The following DNAAF9 variants were observed in gnomAD, a reference collection of about 807,000 sequenced individuals.
DNAAF9 encodes dynein axonemal assembly factor 9, also known as shulin.
In DNAAF9, 90 loss-of-function variants were observed where a neutral mutation model predicts 167.0. The observed-to-expected ratio is 0.54, with a 90% CI of 0.45 to 0.64. The LOEUF is 0.64. Ranked by LOEUF, DNAAF9 falls within the 30% of genes least tolerant of loss-of-function variation. DNAAF9 has a pLI of 0.00. For synonymous variants in DNAAF9, 491 were observed against 508.8 expected (o/e 0.96, Z 0.47); for missense variants, 1,315 against 1,442.2 (o/e 0.91, Z 1.43).
At chr20:3,272,055 G>A (rs921001252) in intron 29 of DNAAF9, among the ~76,000 whole-genome samples, 4 of 151,866 alleles carry the variant, frequency 2.6e-5, no homozygotes, top group Non-Finnish European at 4.4e-5. Context: ...GCTCATCCCC[G>A]GCTCCCCTAC....
intron 33 of DNAAF9, among the ~76,000 whole-genome samples, chr20:3,256,816 G>T (rs570088770): frequency 3.9e-5 from 6 of 152,300 alleles, no homozygotes; most frequent in South Asian, 4.1e-4. Flanking sequence ...TGGTAGAAGT[G>T]GGGGGCTCTC....
At chr20:3,345,396 A>G (rs2070173422) in intron 8 of DNAAF9, among the ~76,000 whole-genome samples, 1 of 152,198 alleles carries the variant, frequency 6.6e-6, no homozygotes, top group Non-Finnish European at 1.5e-5. Context: ...AGCAATCCTA[A>G]TAACAACCTA....
intron 12 of DNAAF9, among the ~76,000 whole-genome samples, chr20:3,326,565 C>T (rs991982429): frequency 1.3e-5 from 2 of 151,540 alleles, no homozygotes; most frequent in African/African-American, 4.9e-5. Flanking sequence ...AACCCCATCT[C>T]GACAAAAAAT....
At chr20:3,344,407 A>G in intron 8 of DNAAF9, among the ~76,000 whole-genome samples, 2 of 152,304 alleles carry the variant, frequency 1.3e-5, no homozygotes, top group South Asian at 4.1e-4. Flanking sequence ...ATTGTAGAAG[A>G]CAATAAAAAC....
intron 8 of DNAAF9, among the ~76,000 whole-genome samples, chr20:3,344,699 T>A (rs1015319528): frequency 6.6e-6 from 1 of 151,986 alleles, no homozygotes; most frequent in Non-Finnish European, 1.5e-5. Flanking sequence ...TTAAGGCAGA[T>A]CTGGAAATGA....
In DNAAF9 at chr20:3,324,974, A is replaced by G; in HGVS notation, c.1189-6T>C. The stretch of plus-strand genomic sequence containing the variant: ...TGCTCTGCTACCTCCTTGGCCTGTA[A>G]AATAATAAGACAGCGACAATTAGCT... On this transcript the variant is annotated splice_region_variant and splice_polypyrimidine_tract_variant and intron_variant, in intron 13 of 36. Coordinates refer to ENST00000252032, the MANE Select transcript of DNAAF9 (RefSeq NM_001009984.3). 6.5e-7 allele frequency: 1 copy of G among 1,549,324 alleles called. No homozygotes were observed. The highest frequency in any genetic ancestry group is 8.9e-7 in the Non-Finnish European group (1 of 1,120,792).
At chr20:3,265,340 G>A (rs1326939065) in intron 30 of DNAAF9, among the ~76,000 whole-genome samples, 1 of 151,958 alleles carries the variant, frequency 6.6e-6, no homozygotes, top group Non-Finnish European at 1.5e-5. Context: ...CGAGGCAGGC[G>A]GATCACCTGG....
chr20:3,338,592 G>A (rs949041721), intron 10 of DNAAF9, among the ~76,000 whole-genome samples: 2 of 149,980 alleles, frequency 1.3e-5, no homozygotes, highest in African/African-American at 4.9e-5. Flanking sequence ...TCTTCTTCAG[G>A]TATTCCCAGT....
At chr20:3,324,053 AT>A (rs1241617180) in intron 14 of DNAAF9, among the ~76,000 whole-genome samples, 1 of 152,194 alleles carries the variant, frequency 6.6e-6, no homozygotes, top group Non-Finnish European at 1.5e-5. Context: ...GGGCAGCAAG[AT>A]CCAGAAGACC....
At chr20:3,362,165 C>T (rs1194571807) in intron 6 of DNAAF9, 2 of 1,423,370 alleles carry the variant, frequency 1.4e-6, no homozygotes, top group African/African-American at 2.8e-5. Flanking sequence ...CCTGGAGGCC[C>T]AATTATCATC....
intron 1 of DNAAF9, among the ~76,000 whole-genome samples, chr20:3,386,764 TAAAAAAA>T (rs61005893): frequency 1.4e-5 from 2 of 139,562 alleles, no homozygotes; most frequent in African/African-American, 5.2e-5. Flanking sequence ...AACTCAATGG[TAAAAAAA>T]AAAAAATCCA....
intron 31 of DNAAF9, among the ~76,000 whole-genome samples, chr20:3,264,120 G>A (rs2068442943): frequency 6.6e-6 from 1 of 152,236 alleles, no homozygotes; most frequent in Admixed American, 6.5e-5. Flanking sequence ...GAAAGTTATA[G>A]CTCCTTGGTT....
At chr20:3,265,629 C>CT (rs1471835852) in intron 30 of DNAAF9, among the ~76,000 whole-genome samples, 2 of 144,104 alleles carry the variant, frequency 1.4e-5, no homozygotes, top group East Asian at 2.1e-4. Context: ...GAATTAAATA[C>CT]TTTTTTTGGT....
At chr20:3,340,438 C>CT in intron 10 of DNAAF9, 66 bp downstream of exon 10, 3 of 190,890 alleles carry the variant, frequency 1.6e-5, no homozygotes, top group Non-Finnish European at 2.2e-5. Flanking sequence ...CTAGCTCCCC[C>CT]CACCCACCCC....
chr20:3,265,355 A>G (rs2068469803), intron 30 of DNAAF9, among the ~76,000 whole-genome samples: 1 of 152,030 alleles, frequency 6.6e-6, no homozygotes, highest in African/African-American at 2.4e-5. Flanking sequence ...ACCTGGGGTC[A>G]GGAGTTCAAG....
intron 1 of DNAAF9, among the ~76,000 whole-genome samples, chr20:3,404,652 T>C (rs888064896): frequency 6.6e-6 from 1 of 152,202 alleles, no homozygotes; most frequent in Non-Finnish European, 1.5e-5. Context: ...AAAAGAGTTA[T>C]TTGAGGGCAG....
At chr20:3,358,317 T>C (rs1456170210) in intron 7 of DNAAF9, among the ~76,000 whole-genome samples, 4 of 152,260 alleles carry the variant, frequency 2.6e-5, no homozygotes, top group African/African-American at 9.6e-5. Context: ...GGAGTCTTGC[T>C]CTGTCACCCA....
intron 11 of DNAAF9, among the ~76,000 whole-genome samples, chr20:3,331,716 C>T (rs1275080160): frequency 6.6e-6 from 1 of 152,184 alleles, no homozygotes; most frequent in African/African-American, 2.4e-5. Context: ...CTCTGTTGCC[C>T]AGGCTAGAGT....
At chr20:3,279,040 A>T in intron 28 of DNAAF9, 91 bp from the exon 29 acceptor site, 2 of 919,764 alleles carry the variant, frequency 2.2e-6, no homozygotes, top group Non-Finnish European at 3.5e-6. Context: ...ACCACTGACA[A>T]GCAAATTGAC....
Sources: allele counts gnomAD v4.1 joint callset (sites outside exome capture counted in the v4.1 genomes callset), GRCh38; gene constraint gnomAD v4.1.1; transcripts MANE v1.5; gene names NCBI Gene and HGNC (gene_info 2026-07-23, HGNC 2026-07-21).